PRSS23: variants seen among roughly 807,000 people sequenced by gnomAD.
The protein encoded by PRSS23 is serine protease 23.
A neutral mutation model predicts 34.7 loss-of-function variants in PRSS23; 25 were observed. The ratio of observed to expected loss-of-function variants is 0.72; its 90% confidence interval spans 0.53 to 1.01. The LOEUF (loss-of-function observed/expected upper bound fraction) is 1.01, where lower values mean the gene tolerates loss of function less well. Ranked by LOEUF, PRSS23 falls within the 50% of genes least tolerant of loss-of-function variation. The pLI is 0.00. For synonymous variants in PRSS23, 176 were observed against 186.6 expected (o/e 0.94, Z 0.46); for missense variants, 445 against 475.6 (o/e 0.94, Z 0.60).
At chr11:86,847,947 C>A (rs1364236111) in intron 2 of PRSS23, among the ~76,000 whole-genome samples, 4 of 152,130 alleles carry the variant, frequency 2.6e-5, no homozygotes, top group African/African-American at 9.7e-5. Context: ...GGGCCTCTTC[C>A]CTCAGCCCCA....
chr11:86,938,340 G>A (rs1949178143), intron 2 of PRSS23, among the ~76,000 whole-genome samples: 1 of 152,156 alleles, frequency 6.6e-6, no homozygotes, highest in South Asian at 2.1e-4. Context: ...TGGATCATGC[G>A]AGGCTCCCAG....
chr11:86,810,054 T>C lies in PRSS23; in HGVS notation c.*1259T>C, dbSNP rs933168029. 1 of 166,598 alleles carries C rather than the reference T, an allele frequency of 6.0e-6. No homozygotes were observed. Among genetic ancestry groups the C allele is most frequent in the African/African-American group, 2.4e-5 (1 of 41,442 alleles). The allele number at this position is 166,598 out of a possible 1,614,324, so 10.3% of individuals were successfully genotyped here. ...AAACAATTAGGTATAATAGCAAAAATGAAAATTGGAAGAATGCAAAATGGA... is the reference window on the plus strand; with the variant it reads ...AAACAATTAGGTATAATAGCAAAAACGAAAATTGGAAGAATGCAAAATGGA... On this transcript the variant is annotated 3_prime_UTR_variant, in exon 2 of 2. Coordinates refer to ENST00000280258, the MANE Select transcript of PRSS23 (RefSeq NM_007173.6).
At chr11:86,951,115 T>A (rs982170218) in intron 2 of PRSS23, 3 of 1,612,230 alleles carry the variant, frequency 1.9e-6, no homozygotes, top group African/African-American at 1.3e-5. Context: ...CCCTTCAAAA[T>A]GAAGAAAGCA....
chr11:86,838,735 C>T (rs1240984650), intron 2 of PRSS23, among the ~76,000 whole-genome samples: 1 of 152,136 alleles, frequency 6.6e-6, no homozygotes, highest in African/African-American at 2.4e-5. Context: ...AGCAAAGACA[C>T]CTCAAACAGG....
rs1347329343 is a variant in PRSS23 at position 86,879,206 on chromosome 11, T to C, written c.206+55613T>C. Among the ~76,000 whole-genome samples, 31 of 137,140 alleles carry C rather than the reference T, an allele frequency of 2.3e-4. 1 individual carries two copies. The highest frequency in any genetic ancestry group is 2.0e-3 in the Admixed American group (28 of 13,898). The allele number at this position is 137,140 out of a possible 152,430, so 90.0% of individuals were successfully genotyped here. ...CGTCTCTGCCCGGCGGCCCATCATC[T>C]GAGATGTGGGGAGCGCCTCTGCCCC... On this transcript the variant is annotated intron_variant, in intron 2 of 2. Coordinates refer to the PRSS23 transcript ENST00000533902.
chr11:86,937,197 A>G (rs1477253917), intron 2 of PRSS23: 1 of 152,226 alleles, frequency 6.6e-6, no homozygotes, highest in Admixed American at 6.5e-5. Flanking sequence ...AATCAGTGGT[A>G]TTTAATCTTT....
intron 1 of PRSS23, chr11:86,821,073 T>C: frequency 3.2e-6 from 1 of 316,404 alleles, no homozygotes; most frequent in Non-Finnish European, 5.6e-6. Flanking sequence ...TTGATGTGTC[T>C]AAAATGATAT....
intron 2 of PRSS23, chr11:86,896,356 T>C (rs1020332898): frequency 8.3e-6 from 1 of 121,128 alleles, no homozygotes; most frequent in Admixed American, 8.0e-5. Flanking sequence ...CATTGACCTT[T>C]GTAAAAAAAA....
chr11:86,829,286 C>A (rs952833413), intron 2 of PRSS23, among the ~76,000 whole-genome samples: 1 of 152,204 alleles, frequency 6.6e-6, no homozygotes, highest in African/African-American at 2.4e-5. Context: ...TTGATCACAT[C>A]GGCTCCTGAG....
In PRSS23 at chr11:86,807,932, A is replaced by G. The variant is rs1948123493; in HGVS notation, c.289A>G (p.Thr97Ala). The change falls in exon 2 of 2, where the codon ACA becomes GCA. Residue 97 changes from threonine (T) to alanine (A), a missense_variant. Coordinates refer to ENST00000280258, the MANE Select transcript of PRSS23 (RefSeq NM_007173.6). The part of the protein sequence containing the change: ...YETLYANGSR[T>A]ETQVGIYILS... ...AACGCTCTATGCCAATGGCAGCCGC[A>G]CAGAGACGCAGGTGGGCATCTACAT... 1.9e-6 allele frequency: 3 copies of G among 1,614,174 alleles called. No homozygotes were observed. Among genetic ancestry groups the G allele is most frequent in the Non-Finnish European group, 2.5e-6 (3 of 1,180,034 alleles).
intron 1 of PRSS23, chr11:86,821,191 T>G: frequency 4.6e-6 from 3 of 647,530 alleles, no homozygotes; most frequent in Non-Finnish European, 7.0e-6. Flanking sequence ...CTTCTAAAAT[T>G]GGTACAATGA....
chr11:86,897,768 A>G (rs1444070976), intron 2 of PRSS23, among the ~76,000 whole-genome samples: 4 of 152,148 alleles, frequency 2.6e-5, no homozygotes, highest in African/African-American at 9.7e-5. Context: ...ACACCTGACC[A>G]GTTTATGGTA....
chr11:86,823,106 T>C (rs892578820), intron 1 of PRSS23, among the ~76,000 whole-genome samples: 3 of 152,220 alleles, frequency 2.0e-5, no homozygotes, highest in Non-Finnish European at 4.4e-5. Flanking sequence ...TGGGGGCAAG[T>C]TACTTTCCCT....
chr11:86,904,713 G>C (rs1948931201), intron 2 of PRSS23, among the ~76,000 whole-genome samples: 1 of 152,058 alleles, frequency 6.6e-6, no homozygotes, highest in African/African-American at 2.4e-5. Context: ...AGCATCTGTG[G>C]ACAACATATA....
At chr11:86,797,143 G>A (rs1251451121), upstream of PRSS23, among the ~76,000 whole-genome samples, 1 of 152,240 alleles carries the variant, frequency 6.6e-6, no homozygotes, top group Non-Finnish European at 1.5e-5. Context: ...CCATTGCTAC[G>A]CATATAAAAA....
chr11:86,825,766 G>C (rs1166200174), intron 2 of PRSS23, among the ~76,000 whole-genome samples: 1 of 151,362 alleles, frequency 6.6e-6, no homozygotes. Flanking sequence ...GTTTTTGTCA[G>C]GTTTGTCAAA....
Position 86,807,666 on chromosome 11 carries a change from T to G in PRSS23, c.23T>G (p.Leu8Arg), listed in dbSNP as rs576671301. The change falls in exon 2 of 2, where the codon CTC becomes CGC. Residue 8 changes from leucine to arginine, a missense_variant. Transcript: ENST00000280258. ...GGCATGGCAGGGATTCCAGGGCTCC[T>G]CTTCCTTCTCTTCTTTCTGCTCTGT... Reference protein sequence around the residue: MAGIPGLLFLLFFLLCAV... With the variant: MAGIPGLRFLLFFLLCAV... 47 of 1,611,934 alleles carry G rather than the reference T, an allele frequency of 2.9e-5. No individual in the cohort carries two copies. In the African/African-American group the frequency reaches 4.5e-4, roughly 16 times the overall value.
intron 2 of PRSS23, among the ~76,000 whole-genome samples, chr11:86,828,492 A>G (rs931918800): frequency 1.3e-4 from 20 of 152,150 alleles, no homozygotes; most frequent in African/African-American, 4.8e-4. Flanking sequence ...TAGTCCATTT[A>G]CATTTAAAGT....
chr11:86,792,883 C>T (rs1224844874), intron 1 of PRSS23, among the ~76,000 whole-genome samples: 5 of 152,106 alleles, frequency 3.3e-5, no homozygotes, highest in African/African-American at 1.2e-4. Flanking sequence ...AAACTCCATT[C>T]TTTTTTTGAG....
Sources: allele counts gnomAD v4.1 joint callset (sites outside exome capture counted in the v4.1 genomes callset), GRCh38; gene constraint gnomAD v4.1.1; transcripts MANE v1.5; gene names NCBI Gene and HGNC (gene_info 2026-07-23, HGNC 2026-07-21).